The following DMXL1 variants were observed in gnomAD, a reference collection of about 807,000 sequenced individuals.
DMXL1 encodes Dmx like 1.
In DMXL1, 99 loss-of-function variants were observed where a neutral mutation model predicts 319.2. The ratio of observed to expected loss-of-function variants is 0.31; its 90% CI spans 0.26 to 0.37. The LOEUF is 0.37. Ranked by LOEUF, DMXL1 falls within the 10% of genes least tolerant of loss-of-function variation. DMXL1 has a pLI of 1.00. For synonymous variants in DMXL1, 1,385 were observed against 1,235.2 expected, an observed-to-expected ratio of 1.12 and a Z score of -2.54; for missense variants, 3,745 against 3,595.6, an observed-to-expected ratio of 1.04 and a Z score of -1.06.
intron 34 of DMXL1, among the ~76,000 whole-genome samples, chr5:119,211,912 G>T (rs1042264915): frequency 6.6e-6 from 1 of 152,058 alleles, no homozygotes; most frequent in East Asian, 1.9e-4. Context: ...TAAACCTGTT[G>T]CTTCTCTAAT....
chr5:119,243,167 T>C (rs957659081), intron 42 of DMXL1, among the ~76,000 whole-genome samples: 1 of 152,226 alleles, frequency 6.6e-6, no homozygotes, highest in African/African-American at 2.4e-5. Context: ...TCAAGGTATA[T>C]ACTTAAAAAG....
At chr5:119,159,479 C>T (rs562951806) in intron 19 of DMXL1, among the ~76,000 whole-genome samples, 5 of 152,310 alleles carry the variant, frequency 3.3e-5, no homozygotes, top group African/African-American at 1.2e-4. Context: ...TATTTCAGTT[C>T]TGGCAGGTTG....
Position 119,121,029 on chromosome 5 carries a change from C to G in DMXL1, c.992C>G (p.Thr331Arg), listed in dbSNP as rs529711694. The change falls in exon 9 of 44, where the codon ACG (threonine) becomes AGG (arginine). Residue 331 changes from threonine to arginine, a missense_variant. Thr to Arg is a moderately conservative substitution (Grantham distance 71). Transcript: ENST00000539542. ...RRRSLALVAHTGYLPHQQDPH... is the reference protein window; with the variant it reads ...RRRSLALVAHRGYLPHQQDPH... Reference sequence around the variant, plus strand: ...AGATCACTTGCTCTTGTAGCACATACGGGATATCTACCACATCAGCAGGAT... The same window carrying G: ...AGATCACTTGCTCTTGTAGCACATAGGGGATATCTACCACATCAGCAGGAT... 1 of 1,613,618 alleles carries G rather than the reference C, an allele frequency of 6.2e-7. No individual in the cohort carries two copies. Among genetic ancestry groups the G allele is most frequent in the African/African-American group, 1.3e-5 (1 of 75,006 alleles).
chr5:119,143,732 G>A (rs1445656584), intron 13 of DMXL1, 109 bp from the exon 14 acceptor site: 1 of 624,808 alleles, frequency 1.6e-6, no homozygotes, highest in Non-Finnish European at 2.7e-6. Flanking sequence ...CTATATTTAG[G>A]CCCACTTGAA....
At chr5:119,078,576 A>G (rs533699934) in intron 1 of DMXL1, among the ~76,000 whole-genome samples, 157 of 152,244 alleles carry the variant, frequency 1.0e-3, no homozygotes, top group Admixed American at 2.5e-3. Context: ...TCAGTCTCCC[A>G]AGTAGCTGGG....
Position 119,170,671 on chromosome 5 carries a change from G to C in DMXL1, c.5880G>C (p.Gln1960His). The C allele has an allele frequency of 6.2e-7, 1 of 1,613,500 alleles. No individual in the cohort carries two copies. Among genetic ancestry groups the C allele is most frequent in the Non-Finnish European group, 8.5e-7 (1 of 1,179,868 alleles). Residue 1960 changes from glutamine to histidine, a missense_variant, in exon 24 of 44, where the codon CAG becomes CAC. Gln to His is a conservative substitution (Grantham distance 24). Transcript: ENST00000539542. ...FDWSQPSVVF[Q>H]DDSLELKWDS... ...GGAGCCAACCAAGTGTTGTGTTTCA[G>C]GATGACTCTTTAGAGTTAAAATGGG...
chr5:119,144,630 C>T lies in DMXL1; in HGVS notation c.2561C>T (p.Ser854Phe), dbSNP rs772422540. ...AGCCTTGGCAAAGACAGCATTTTAT[C>T]TAATGCAGGTAAGGAAGAATTATTT... Reference protein sequence around the residue: ...KKSLGKDSILSNAGSSPNGFS... With the variant: ...KKSLGKDSILFNAGSSPNGFS... The change falls in exon 15 of 44, where the codon TCT becomes TTT. Residue 854 changes from serine to phenylalanine, a missense_variant. Transcript: ENST00000539542. 6.3e-6 allele frequency: 10 copies of T among 1,579,048 alleles called. No individual in the cohort carries two copies. In the South Asian group the frequency reaches 1.1e-4, roughly 18 times the overall value.
At chr5:119,177,901 C>G in intron 27 of DMXL1, 95 bp from the exon 28 acceptor site, 1 of 1,122,658 alleles carries the variant, frequency 8.9e-7, no homozygotes, top group Non-Finnish European at 1.2e-6. Context: ...ACTCCTGATG[C>G]AATACATTTT....
At position 119,129,477 on chromosome 5, in the gene DMXL1, T is replaced by G. The variant is rs1204081331; in HGVS notation, c.1315+54T>G. 6 of 1,324,172 alleles carry G rather than the reference T, an allele frequency of 4.5e-6. No homozygotes were observed. The South Asian group carries it at 8.2e-5, about 18-fold the overall frequency. The allele number at this position is 1,324,172 out of a possible 1,614,324, so 82.0% of individuals were successfully genotyped here. On this transcript the variant is annotated intron_variant, in intron 10 of 43. Transcript: ENST00000539542. ...AAGTTTTGCTCAAAATAGCAAACAT[T>G]TTCATATTAGGGTAAAACTAGCTAC...
At chr5:119,120,153 C>A (rs1004717547) in intron 8 of DMXL1, among the ~76,000 whole-genome samples, 4 of 152,226 alleles carry the variant, frequency 2.6e-5, no homozygotes, top group Non-Finnish European at 5.9e-5. Context: ...ACTGCCTTGG[C>A]CTCCCAAAGT....
intron 1 of DMXL1, among the ~76,000 whole-genome samples, chr5:119,076,167 A>G (rs982326720): frequency 1.3e-5 from 2 of 152,182 alleles, no homozygotes; most frequent in African/African-American, 2.4e-5. Context: ...AATATGTTAT[A>G]GCTCCAATTT....
intron 40 of DMXL1, among the ~76,000 whole-genome samples, chr5:119,237,653 A>G (rs1450934667): frequency 6.6e-6 from 1 of 152,060 alleles, no homozygotes; most frequent in Non-Finnish European, 1.5e-5. Context: ...TGATACCCCC[A>G]GATACCTATA....
At position 119,134,058 on chromosome 5, in the gene DMXL1, C is replaced by G. The variant is rs1400686411; in HGVS notation, c.2134C>G (p.Pro712Ala). 7 of 1,614,002 alleles carry G rather than the reference C, an allele frequency of 4.3e-6. No homozygotes were observed. Among genetic ancestry groups the G allele is most frequent in the South Asian group, 1.1e-5 (1 of 91,082 alleles). Residue 712 changes from proline (P) to alanine (A), a missense_variant, in exon 12 of 44, where the codon CCA (proline) becomes GCA (alanine). Physicochemically the swap from Pro to Ala is conservative, Grantham distance 27. Transcript: ENST00000539542. ...TGAGCTTATTCTGTGGAGGGTTGACCCAGTTGGGCCATTGTCTTTTTCTGG... is the reference window on the plus strand; with the variant it reads ...TGAGCTTATTCTGTGGAGGGTTGACGCAGTTGGGCCATTGTCTTTTTCTGG... ...YSELILWRVD[P>A]VGPLSFSGGV... is the part of the protein sequence containing the mutation.
chr5:119,167,452 G>A (rs1773663283), intron 22 of DMXL1, 151 bp from the exon 23 acceptor site: 1 of 648,014 alleles, frequency 1.5e-6, no homozygotes, highest in Non-Finnish European at 2.6e-6. Context: ...AAATCTAAAA[G>A]CAAGCAGCAT....
chr5:119,157,665 G>T (rs563644561), intron 19 of DMXL1, among the ~76,000 whole-genome samples: 8 of 152,026 alleles, frequency 5.3e-5, no homozygotes, highest in Non-Finnish European at 1.2e-4. Flanking sequence ...CTTCTATTCT[G>T]TTCCATTGGT....
chr5:119,081,971 A>G (rs1193191042), intron 1 of DMXL1, among the ~76,000 whole-genome samples: 2 of 145,246 alleles, frequency 1.4e-5, no homozygotes, highest in Non-Finnish European at 3.0e-5. Context: ...TGTCATAACT[A>G]TTTCCCAGAG....
intron 17 of DMXL1, 82 bp downstream of exon 17, chr5:119,147,552 C>T: frequency 1.1e-6 from 1 of 878,156 alleles, no homozygotes; most frequent in South Asian, 1.6e-5. Flanking sequence ...CTGCAACTAT[C>T]TCTTAAATCC....
chr5:119,156,429 T>G (rs1422846895), intron 19 of DMXL1, among the ~76,000 whole-genome samples: 2 of 152,218 alleles, frequency 1.3e-5, no homozygotes, highest in Non-Finnish European at 2.9e-5. Context: ...ATTGTGGTGG[T>G]CTGAAATCGA....
At chr5:119,210,219 G>A (rs1782505546) in intron 34 of DMXL1, among the ~76,000 whole-genome samples, 1 of 152,122 alleles carries the variant, frequency 6.6e-6, no homozygotes, top group South Asian at 2.1e-4. Flanking sequence ...CTAAAGTGCT[G>A]GGATTAGGAG....
Sources: allele counts gnomAD v4.1 joint callset (sites outside exome capture counted in the v4.1 genomes callset), GRCh38; gene constraint gnomAD v4.1.1; transcripts MANE v1.5; gene names NCBI Gene and HGNC (gene_info 2026-07-23, HGNC 2026-07-21).